Variants in SFXN5 observed in about 807,000 individuals in gnomAD.
SFXN5 encodes the protein sideroflexin 5.
A neutral mutation model predicts 50.2 loss-of-function variants in SFXN5; 43 were observed. The observed-to-expected ratio is 0.86, with a 90% confidence interval of 0.67 to 1.11. The LOEUF (loss-of-function observed/expected upper bound fraction) is 1.11, where lower values mean the gene tolerates loss of function less well. SFXN5 is among the 50% of genes least tolerant of loss of function. The pLI, the probability that SFXN5 is intolerant of heterozygous loss-of-function variation, is 0.00. For synonymous variants in SFXN5, 203 were observed against 185.8 expected, an observed-to-expected ratio of 1.09 and a Z score of -0.75; for missense variants, 463 against 454.1, an observed-to-expected ratio of 1.02 and a Z score of -0.18.
At position 72,960,643 on chromosome 2, in the gene SFXN5, C is replaced by T. The variant is rs975159598; in HGVS notation, c.945+488G>A. Among the ~76,000 whole-genome samples, 1 of 152,142 alleles carries T rather than the reference C, an allele frequency of 6.6e-6. No individual in the cohort carries two copies. Among genetic ancestry groups the T allele is most frequent in the Non-Finnish European group, 1.5e-5 (1 of 68,032 alleles). On this transcript the variant is annotated intron_variant, in intron 13 of 13. Transcript: ENST00000272433. The surrounding 1 kb of genome is among the most constrained non-coding windows in gnomAD (Gnocchi z 6.1). Reference sequence around the variant, plus strand: ...GTTCTGGCTTCCAAGTTCCCAACACCACCCAGCCCAGCCCCTCATTCCCAG... The same window carrying T: ...GTTCTGGCTTCCAAGTTCCCAACACTACCCAGCCCAGCCCCTCATTCCCAG...
chr2:72,972,680 TG>T (rs958332816), intron 10 of SFXN5, among the ~76,000 whole-genome samples: 6 of 151,952 alleles, frequency 3.9e-5, no homozygotes, highest in African/African-American at 1.4e-4. Context: ...TGGGGGGACC[TG>T]GGAGGGGTGG....
chr2:73,040,960 G>T, intron 2 of SFXN5, 29 bp from the exon 3 acceptor site: 1 of 1,602,024 alleles, frequency 6.2e-7, no homozygotes, highest in Non-Finnish European at 8.5e-7. Context: ...AGACATTGAG[G>T]GGCACAGATC....
intron 3 of SFXN5, among the ~76,000 whole-genome samples, chr2:73,027,512 A>C (rs1157150853): frequency 2.0e-5 from 3 of 152,194 alleles, no homozygotes; most frequent in Non-Finnish European, 4.4e-5. Flanking sequence ...GTGCAGCCTA[A>C]GGATATGTGT....
intron 12 of SFXN5, among the ~76,000 whole-genome samples, chr2:72,966,647 G>A (rs1162541522): frequency 3.3e-5 from 5 of 152,152 alleles, no homozygotes; most frequent in Non-Finnish European, 7.3e-5. Context: ...CTGGACCCAT[G>A]AGCGCACTTC....
intron 10 of SFXN5, among the ~76,000 whole-genome samples, chr2:72,977,167 C>T (rs182922856): frequency 1.4e-3 from 216 of 152,278 alleles, no homozygotes; most frequent in African/African-American, 4.9e-3. Context: ...GGAGCTGCTG[C>T]CGCCATCTTC....
Position 73,022,522 on chromosome 2 carries a change from C to G in SFXN5, c.331G>C (p.Gly111Arg). ...EKIFMPFRMS[G>R]YIPFGTPIVV... ...AACCAGAAGGGCCCCAGGAGCTTAC[C>G]TGACATTCTAAATGGCATGAAGATC... Residue 111 changes from glycine to arginine, a missense_variant and splice_region_variant, in exon 5 of 14, where the codon GGT becomes CGT. Coordinates refer to ENST00000272433, the MANE Select transcript of SFXN5 (RefSeq NM_144579.3). 1.2e-6 allele frequency: 2 copies of G among 1,610,908 alleles called. No individual in the cohort carries two copies. Among genetic ancestry groups the G allele is most frequent in the Non-Finnish European group, 1.7e-6 (2 of 1,178,382 alleles).
chr2:72,984,881 C>T lies in SFXN5; in HGVS notation c.625+3377G>A, dbSNP rs1044837696. Among the ~76,000 whole-genome samples, 4 of 152,096 alleles carry T rather than the reference C, an allele frequency of 2.6e-5. No homozygotes were observed. In the South Asian group the frequency reaches 8.3e-4, roughly 32 times the overall value. On this transcript the variant is annotated intron_variant, in intron 10 of 13. Coordinates refer to ENST00000272433, the MANE Select transcript of SFXN5 (RefSeq NM_144579.3). ...CAGGCCACTCTTAGGCAGTGTGTAG[C>T]CCACCTCCCAGGCTTCAGGCTGGGG...
chr2:73,030,224 T>C (rs929312758), intron 3 of SFXN5, among the ~76,000 whole-genome samples: 2 of 152,186 alleles, frequency 1.3e-5, no homozygotes, highest in Non-Finnish European at 2.9e-5. Flanking sequence ...TGCATCCATC[T>C]CTAAAGTCTA....
rs111628489 is a variant in SFXN5 at position 73,004,785 on chromosome 2, C to T, written c.358-3207G>A. ...TACAGTCAGGCGGGGACCAAAAGCA[C>T]GAGGATGCCAGCCCAATTCCCTATT... is the stretch of plus-strand genomic sequence containing the variant. On this transcript the variant is annotated intron_variant, in intron 6 of 13. Coordinates refer to ENST00000272433, the MANE Select transcript of SFXN5 (RefSeq NM_144579.3). 1.9e-3 allele frequency among the ~76,000 whole-genome samples: 293 copies of T among 152,338 alleles called. 2 individuals carry two copies. The highest frequency in any genetic ancestry group is 5.3e-3 in the African/African-American group (221 of 41,580).
chr2:72,964,780 G>A (rs1275371172), intron 12 of SFXN5, among the ~76,000 whole-genome samples: 2 of 152,234 alleles, frequency 1.3e-5, no homozygotes, highest in African/African-American at 4.8e-5. Flanking sequence ...GCTGCCAGGA[G>A]CACCAAACTC....
intron 13 of SFXN5, among the ~76,000 whole-genome samples, chr2:72,956,752 G>A (rs1048926011): frequency 8.5e-5 from 13 of 152,108 alleles, no homozygotes; most frequent in African/African-American, 3.1e-4. Flanking sequence ...ACTCCATAGA[G>A]GCCATGCCTT....
intron 2 of SFXN5, among the ~76,000 whole-genome samples, chr2:73,050,421 C>CACACACACACACACACA (rs1240561312): frequency 7.4e-5 from 11 of 148,498 alleles, no homozygotes; most frequent in Admixed American, 2.0e-4. Context: ...CACACACACA[C>CACACACACACACACACA]CCCTGCAGAG....
chr2:72,985,609 G>T (rs1671822404), intron 10 of SFXN5, among the ~76,000 whole-genome samples: 1 of 151,952 alleles, frequency 6.6e-6, no homozygotes, highest in African/African-American at 2.4e-5. Context: ...AGGCAGGCAG[G>T]TACCCAGCCA....
At chr2:73,030,675 C>T (rs182630085) in intron 3 of SFXN5, among the ~76,000 whole-genome samples, 74 of 127,870 alleles carry the variant, frequency 5.8e-4, no homozygotes, top group Non-Finnish European at 9.5e-4. Flanking sequence ...TCCTGGAAAC[C>T]GCGTCTGCTT....
rs934337893 is a variant in SFXN5 at position 72,992,226 on chromosome 2, G to A, written c.535-3878C>T. On this transcript the variant is annotated intron_variant, in intron 9 of 13. Transcript: ENST00000272433. This position sits in a 1 kb window ranked among gnomAD's most constrained non-coding sequence, Gnocchi z 4.5. ...AGGCCGGCTTCCTGATAGTCCCCACGGAGATGGGAACAGGGCTGACCAGCA... is the reference window on the plus strand; with the variant it reads ...AGGCCGGCTTCCTGATAGTCCCCACAGAGATGGGAACAGGGCTGACCAGCA... 3.9e-5 allele frequency among the ~76,000 whole-genome samples: 6 copies of A among 152,224 alleles called. No individual in the cohort carries two copies. The highest frequency in any genetic ancestry group is 1.2e-4 in the African/African-American group (5 of 41,458).
At chr2:72,982,587 AT>A (rs1234149664) in intron 10 of SFXN5, among the ~76,000 whole-genome samples, 1 of 152,172 alleles carries the variant, frequency 6.6e-6, no homozygotes, top group African/African-American at 2.4e-5. Context: ...GGGGCACTCA[AT>A]GTCTAATGGG....
chr2:72,995,478 C>T (rs929145666), intron 9 of SFXN5, among the ~76,000 whole-genome samples: 10 of 152,144 alleles, frequency 6.6e-5, no homozygotes, highest in African/African-American at 2.4e-4. Flanking sequence ...TCCAGGGTTG[C>T]TGGCCAAGGT....
chr2:72,966,246 G>A (rs1257911298), intron 12 of SFXN5, among the ~76,000 whole-genome samples: 2 of 152,202 alleles, frequency 1.3e-5, no homozygotes, highest in Non-Finnish European at 2.9e-5. Context: ...TGACTTGTGC[G>A]AGTGTTCTAC....
intron 3 of SFXN5, among the ~76,000 whole-genome samples, chr2:73,035,863 G>T (rs1678909359): frequency 6.6e-6 from 1 of 152,182 alleles, no homozygotes; most frequent in South Asian, 2.1e-4. Context: ...CACAACAGAA[G>T]ACCAAACCAA....
Sources: gnomAD v4.1 joint callset for allele counts (sites outside exome capture counted in the v4.1 genomes callset) on GRCh38, gnomAD v4.1.1 for gene constraint, Gnocchi (gnomAD v3.1) non-coding constraint, MANE v1.5 for transcripts, NCBI Gene and HGNC (gene_info 2026-07-23, HGNC 2026-07-21) for gene names.